The following ACAP2 variants were observed in gnomAD, a reference collection of about 807,000 sequenced individuals.
ACAP2 encodes arf-GAP with coiled-coil, ANK repeat and PH domain-containing protein 2.
In ACAP2, 39 loss-of-function variants were observed where a neutral mutation model predicts 115.8. The ratio of observed to expected loss-of-function variants is 0.34; its 90% CI spans 0.26 to 0.44. ACAP2 has a LOEUF of 0.44. Ranked by LOEUF, ACAP2 falls within the 20% of genes least tolerant of loss-of-function variation. The pLI is 1.00. For synonymous variants in ACAP2, 289 were observed against 315.8 expected (o/e 0.92, Z 0.90); for missense variants, 662 against 927.6 (o/e 0.71, Z 3.72).
intron 10 of ACAP2, among the ~76,000 whole-genome samples, chr3:195,312,630 C>A (rs1325074524): frequency 6.6e-6 from 1 of 151,550 alleles, no homozygotes; most frequent in Non-Finnish European, 1.5e-5. Context: ...CCACATCCAG[C>A]CTTTATTTCT....
At chr3:195,354,858 G>A (rs1160902503) in intron 4 of ACAP2, among the ~76,000 whole-genome samples, 1 of 152,112 alleles carries the variant, frequency 6.6e-6, no homozygotes, top group Non-Finnish European at 1.5e-5. Context: ...CAGTAATCTA[G>A]ACTATTTACT....
At chr3:195,281,449 CT>C (rs1451056047) in intron 22 of ACAP2, among the ~76,000 whole-genome samples, 1 of 152,138 alleles carries the variant, frequency 6.6e-6, no homozygotes, top group Non-Finnish European at 1.5e-5. Context: ...TTTCTAGTCA[CT>C]TTTTGTATTT....
Position 195,342,543 on chromosome 3 carries a change from A to G in ACAP2, c.456T>C (p.Val152=), listed in dbSNP as rs548901688. The part of the protein sequence containing the change: ...AQVQRNKQHE[V]EEATNILTAT... ...CTGTCAGAATGTTGGTGGCTTCTTC[A>G]ACTTCATGTTGTTTGTTTCTTTGTA... The change falls in exon 6 of 23, where the codon GTT becomes GTC. Residue 152 remains valine (V), a synonymous_variant. Coordinates refer to ENST00000326793, the MANE Select transcript of ACAP2 (RefSeq NM_012287.6). 6.2e-7 allele frequency: 1 copy of G among 1,612,962 alleles called. No individual in the cohort carries two copies. Among genetic ancestry groups the G allele is most frequent in the Non-Finnish European group, 8.5e-7 (1 of 1,179,738 alleles).
At position 195,417,576 on chromosome 3, in the gene ACAP2, A is replaced by C. The variant is rs1713839829; in HGVS notation, c.53+25219T>G. 2.0e-5 allele frequency among the ~76,000 whole-genome samples: 3 copies of C among 152,086 alleles called. No homozygotes were observed. In the South Asian group the frequency reaches 6.2e-4, roughly 32 times the overall value. On this transcript the variant is annotated intron_variant, in intron 1 of 22. Coordinates refer to ENST00000326793, the MANE Select transcript of ACAP2 (RefSeq NM_012287.6). ...GATTATAGCAACCACCTTCTAAAGG[A>C]CTCTCTTGCCCCAATGAAGTTAATG...
chr3:195,338,652 A>G (rs1490544090), intron 6 of ACAP2, among the ~76,000 whole-genome samples: 1 of 152,166 alleles, frequency 6.6e-6, no homozygotes. Context: ...ATTAGACTAA[A>G]TTTACTGAAA....
intron 1 of ACAP2, among the ~76,000 whole-genome samples, chr3:195,422,986 T>C (rs548167109): frequency 1.3e-5 from 2 of 152,208 alleles, no homozygotes; most frequent in Admixed American, 6.5e-5. Flanking sequence ...TCCATGAACC[T>C]TGATGGAATA....
chr3:195,368,964 G>A (rs1025429750), intron 4 of ACAP2, among the ~76,000 whole-genome samples: 1 of 152,018 alleles, frequency 6.6e-6, no homozygotes, highest in Non-Finnish European at 1.5e-5. Context: ...GGTGCCTGTA[G>A]TCCCAGCTAC....
At chr3:195,292,983 T>A (rs1207553371) in intron 18 of ACAP2, among the ~76,000 whole-genome samples, 2 of 151,736 alleles carry the variant, frequency 1.3e-5, no homozygotes, top group African/African-American at 2.4e-5. Flanking sequence ...TTGCAATTTT[T>A]AAAAAATAAA....
At chr3:195,335,843 T>C (rs921489735) in intron 7 of ACAP2, 1 of 150,416 alleles carries the variant, frequency 6.6e-6, no homozygotes, top group Non-Finnish European at 1.5e-5. Flanking sequence ...GTTATCAAAA[T>C]ATAAAGAGTG....
chr3:195,287,559 G>A (rs757494460), intron 21 of ACAP2, among the ~76,000 whole-genome samples: 13 of 152,000 alleles, frequency 8.6e-5, no homozygotes, highest in Non-Finnish European at 1.5e-4. Context: ...CTCAAGCAAC[G>A]CTCCCACCTC....
intron 20 of ACAP2, among the ~76,000 whole-genome samples, chr3:195,289,527 G>A (rs557511496): frequency 9.9e-4 from 151 of 152,060 alleles, no homozygotes; most frequent in Middle Eastern, 3.4e-3. Context: ...AAGGCCAGAC[G>A]TGGTGGCTCA....
chr3:195,319,596 G>T (rs1560238486), intron 10 of ACAP2, among the ~76,000 whole-genome samples: 1 of 152,220 alleles, frequency 6.6e-6, no homozygotes. Context: ...GCCTGGCTGG[G>T]TTTCGAACTT....
At position 195,298,323 on chromosome 3, in the gene ACAP2, T is replaced by C. The variant is rs1157856999; in HGVS notation, c.1396-1042A>G. 3.3e-5 allele frequency among the ~76,000 whole-genome samples: 5 copies of C among 149,922 alleles called. No individual in the cohort carries two copies. The East Asian group carries it at 5.9e-4, about 18-fold the overall frequency. On this transcript the variant is annotated intron_variant, in intron 15 of 22. Transcript: ENST00000326793. ...TAGGCGGTAGTGCAGTGGCATGATC[T>C]TGGCCCACTGCAACTTCCACGTCCC...
intron 18 of ACAP2, 144 bp downstream of exon 18, chr3:195,294,575 T>C (rs1292943744): frequency 1.8e-5 from 2 of 113,560 alleles, no homozygotes; most frequent in African/African-American, 7.4e-5. Flanking sequence ...TGAAACTCCA[T>C]CTCAAAAAAA....
intron 7 of ACAP2, among the ~76,000 whole-genome samples, chr3:195,334,251 G>A (rs1730362635): frequency 6.7e-6 from 1 of 148,724 alleles, no homozygotes. Context: ...AAAACACAGA[G>A]GCAAAAGGAT....
intron 1 of ACAP2, among the ~76,000 whole-genome samples, chr3:195,430,328 T>C (rs1317910088): frequency 6.6e-6 from 1 of 152,218 alleles, no homozygotes; most frequent in Non-Finnish European, 1.5e-5. Flanking sequence ...TAATGGTGTG[T>C]AGTTACATAA....
intron 10 of ACAP2, among the ~76,000 whole-genome samples, chr3:195,312,102 T>C (rs1244902603): frequency 6.6e-6 from 1 of 152,060 alleles, no homozygotes; most frequent in African/African-American, 2.4e-5. Flanking sequence ...TCTTTTACCA[T>C]GTTTGATCAC....
At chr3:195,403,288 G>GA (rs1712472553) in intron 1 of ACAP2, among the ~76,000 whole-genome samples, 1 of 152,208 alleles carries the variant, frequency 6.6e-6, no homozygotes, top group Non-Finnish European at 1.5e-5. Context: ...AATACTAATG[G>GA]AGAGTCCCAT....
chr3:195,307,160 AAGTT>A, intron 12 of ACAP2, 59 bp downstream of exon 12: 2 of 1,359,420 alleles, frequency 1.5e-6, no homozygotes, highest in Non-Finnish European at 2.1e-6. Flanking sequence ...CTACTCTGGA[AAGTT>A]ATTTAAGACA....
Sources: gnomAD v4.1 joint callset for allele counts (sites outside exome capture counted in the v4.1 genomes callset) on GRCh38, gnomAD v4.1.1 for gene constraint, MANE v1.5 for transcripts, NCBI Gene and HGNC (gene_info 2026-07-23, HGNC 2026-07-21) for gene names.